CDC14A: variants seen among roughly 807,000 people sequenced by gnomAD.
CDC14A encodes dual specificity protein phosphatase CDC14A.
Under a neutral mutation model 74.4 loss-of-function variants are expected in CDC14A, and 53 were observed. The observed-to-expected ratio is 0.71, with a 90% CI of 0.57 to 0.89. CDC14A has a LOEUF of 0.89. Ranked by LOEUF, CDC14A falls within the 40% of genes least tolerant of loss-of-function variation. The pLI is 0.00. For synonymous variants in CDC14A, 247 were observed against 258.4 expected, an observed-to-expected ratio of 0.96 and a Z score of 0.43; for missense variants, 646 against 713.7, an observed-to-expected ratio of 0.91 and a Z score of 1.08.
At chr1:100,426,641 T>C (rs1662990980) in intron 5 of CDC14A, among the ~76,000 whole-genome samples, 1 of 152,194 alleles carries the variant, frequency 6.6e-6, no homozygotes, top group Non-Finnish European at 1.5e-5. Context: ...GTGAAAATTA[T>C]CCCTCCCATC....
At chr1:100,413,223 T>A (rs1179093720) in intron 4 of CDC14A, among the ~76,000 whole-genome samples, 4 of 152,210 alleles carry the variant, frequency 2.6e-5, no homozygotes. Flanking sequence ...TTTCTCCTGC[T>A]TTCTCTAAGC....
At chr1:100,434,285 T>C (rs1664060817) in intron 5 of CDC14A, among the ~76,000 whole-genome samples, 1 of 151,994 alleles carries the variant, frequency 6.6e-6, no homozygotes, top group African/African-American at 2.4e-5. Flanking sequence ...AGTGGGAAGA[T>C]GAGGGTGAGA....
chr1:100,449,088 GT>G (rs1401333928), intron 7 of CDC14A, among the ~76,000 whole-genome samples: 1 of 152,312 alleles, frequency 6.6e-6, no homozygotes, highest in Non-Finnish European at 1.5e-5. Flanking sequence ...CAATTCACAG[GT>G]TATCATTATT....
At chr1:100,361,725 C>A (rs1652772445) in intron 2 of CDC14A, among the ~76,000 whole-genome samples, 1 of 152,316 alleles carries the variant, frequency 6.6e-6, no homozygotes, top group East Asian at 1.9e-4. Flanking sequence ...AGTCACAGGT[C>A]ACAGCAGCAG....
intron 15 of CDC14A, among the ~76,000 whole-genome samples, chr1:100,505,485 C>T (rs765362886): frequency 1.3e-5 from 2 of 152,122 alleles, no homozygotes; most frequent in African/African-American, 2.4e-5. Flanking sequence ...TAGAATCTAG[C>T]TTTATAAAAT....
chr1:100,468,244 T>C (rs1668039676), intron 10 of CDC14A, 150 bp downstream of exon 10: 2 of 856,798 alleles, frequency 2.3e-6, no homozygotes, highest in Admixed American at 4.5e-5. Flanking sequence ...ATTGTTGATT[T>C]GACAGCTAAT....
At chr1:100,358,043 T>C (rs560562442) in intron 2 of CDC14A, among the ~76,000 whole-genome samples, 1 of 152,316 alleles carries the variant, frequency 6.6e-6, no homozygotes, top group South Asian at 2.1e-4. Flanking sequence ...AACTTATTAC[T>C]ATAAAGGCCT....
At chr1:100,392,818 TTTTC>T in intron 4 of CDC14A, among the ~76,000 whole-genome samples, 1 of 152,334 alleles carries the variant, frequency 6.6e-6, no homozygotes, top group East Asian at 1.9e-4. Flanking sequence ...GCCTAAAGGT[TTTTC>T]TTTTTTATGG....
intron 7 of CDC14A, among the ~76,000 whole-genome samples, chr1:100,449,356 C>T (rs1360652475): frequency 1.3e-5 from 2 of 152,150 alleles, no homozygotes; most frequent in African/African-American, 2.4e-5. Context: ...ATCATTTCCC[C>T]TTCATGGGCT....
intron 10 of CDC14A, among the ~76,000 whole-genome samples, chr1:100,476,777 T>C (rs1391694342): frequency 1.3e-5 from 2 of 152,230 alleles, no homozygotes; most frequent in East Asian, 3.8e-4. Context: ...GTCTGAATAA[T>C]GTCTCCCCAA....
At chr1:100,348,111 G>A (rs1302644198), upstream of CDC14A, among the ~76,000 whole-genome samples, 1 of 151,858 alleles carries the variant, frequency 6.6e-6, no homozygotes, top group African/African-American at 2.4e-5. Context: ...GCAAAACCCC[G>A]TCTCTACTAA....
At chr1:100,443,927 G>A (rs1271755858) in intron 7 of CDC14A, among the ~76,000 whole-genome samples, 1 of 152,196 alleles carries the variant, frequency 6.6e-6, no homozygotes, top group Non-Finnish European at 1.5e-5. Flanking sequence ...GAACTCATCC[G>A]TTGGGTTTCC....
At chr1:100,407,214 GT>G (rs199803630) in intron 4 of CDC14A, among the ~76,000 whole-genome samples, 22 of 151,322 alleles carry the variant, frequency 1.5e-4, no homozygotes, top group Middle Eastern at 3.4e-3. Flanking sequence ...TTTTAAAATA[GT>G]TTTTTTTTCT....
At position 100,393,352 on chromosome 1, in the gene CDC14A, C is replaced by T. The variant is rs994251006; in HGVS notation, c.309+2528C>T. ...ATTAGTTTCAGATTCTCAGTTGTAA[C>T]TGCTTGATGCTCTAACTAGGCCATA... is the stretch of plus-strand genomic sequence containing the variant. On this transcript the variant is annotated intron_variant, in intron 4 of 15. Transcript: ENST00000336454. The T allele has an allele frequency of 2.7e-5, 25 of 919,440 alleles. No homozygotes were observed. The South Asian group carries it at 2.8e-4, about 10-fold the overall frequency. 57.0% of individuals were successfully genotyped at this position (919,440 alleles called of 1,614,324 possible). A position where few individuals can be genotyped will look rare whatever the true frequency, so the allele number is the denominator to read the frequency against.
At chr1:100,419,224 G>A (rs1661946551) in intron 4 of CDC14A, among the ~76,000 whole-genome samples, 1 of 152,146 alleles carries the variant, frequency 6.6e-6, no homozygotes, top group Non-Finnish European at 1.5e-5. Context: ...GACTGTGACT[G>A]TGAAGAGATA....
intron 4 of CDC14A, chr1:100,392,908 A>G (rs1364976158): frequency 4.8e-6 from 3 of 630,644 alleles, no homozygotes; most frequent in Non-Finnish European, 8.1e-6. Context: ...CAGCCCACAC[A>G]TTCTATGATT....
chr1:100,451,363 A>G (rs1666128364), intron 7 of CDC14A, among the ~76,000 whole-genome samples: 1 of 152,224 alleles, frequency 6.6e-6, no homozygotes, highest in South Asian at 2.1e-4. Context: ...TGAAGCAGTC[A>G]TCCACATGGG....
At chr1:100,386,370 A>T (rs1215750379) in intron 3 of CDC14A, among the ~76,000 whole-genome samples, 3 of 152,174 alleles carry the variant, frequency 2.0e-5, no homozygotes, top group South Asian at 2.1e-4. Context: ...GAATTGACCA[A>T]TTTTAAACTT....
chr1:100,510,754 A>G (rs79774310), intron 15 of CDC14A, among the ~76,000 whole-genome samples: 75 of 152,302 alleles, frequency 4.9e-4, no homozygotes, highest in African/African-American at 1.7e-3. Flanking sequence ...TAACTTTGCC[A>G]ATTGGCTCCA....
Sources: allele counts gnomAD v4.1 joint callset (sites outside exome capture counted in the v4.1 genomes callset), GRCh38; gene constraint gnomAD v4.1.1; transcripts MANE v1.5; gene names NCBI Gene and HGNC (gene_info 2026-07-23, HGNC 2026-07-21).